Variants in PTPRD observed in about 807,000 individuals in gnomAD.
PTPRD encodes the protein receptor-type tyrosine-protein phosphatase delta.
In PTPRD, 34 loss-of-function variants were observed where a neutral mutation model predicts 214.5. That is an observed-to-expected ratio of 0.16 (90% CI 0.12 to 0.21). The LOEUF (loss-of-function observed/expected upper bound fraction) is 0.21. Ranked by LOEUF, PTPRD falls within the 10% of genes least tolerant of loss-of-function variation. The probability of loss-of-function intolerance (pLI) is 1.00; values close to 1 mark genes in which losing one functional copy is unlikely to be tolerated. For missense variants in PTPRD, 2,545 were observed against 2,398.7 expected, an observed-to-expected ratio of 1.06 and a Z score of -1.27; for synonymous variants, 1,128 against 845.7, an observed-to-expected ratio of 1.33 and a Z score of -5.79.
intron 3 of PTPRD, among the ~76,000 whole-genome samples, chr9:10,141,151 T>C (rs1044019749): frequency 1.3e-5 from 2 of 152,078 alleles, no homozygotes; most frequent in Non-Finnish European, 2.9e-5. Context: ...TCATACTGAA[T>C]GGGCAAAAAA....
intron 14 of PTPRD, among the ~76,000 whole-genome samples, chr9:8,614,090 A>T (rs1312178190): frequency 6.6e-6 from 1 of 152,020 alleles, no homozygotes; most frequent in Non-Finnish European, 1.5e-5. Context: ...TGTCATTCAG[A>T]TGTGAATATG....
rs724159859 is a variant in PTPRD at position 8,485,810 on chromosome 9, C to T, written c.3007G>A (p.Gly1003Arg). The T allele has an allele frequency of 6.8e-6, 11 of 1,613,890 alleles. No individual in the cohort carries two copies. The highest frequency in any genetic ancestry group is 9.3e-6 in the Non-Finnish European group (11 of 1,179,980). ...AACTGGACACTGGGACTATATGGCC[C>T]GGGCCCTTTGCTCGTATGAGCACGT... ...KVRAHTSKGPGPYSPSVQFRT... is the reference protein window; with the variant it reads ...KVRAHTSKGPRPYSPSVQFRT... Residue 1003 changes from glycine (G) to arginine (R), a missense_variant, in exon 28 of 46, where the codon GGG becomes AGG. Physicochemically the swap from Gly to Arg is moderately radical, Grantham distance 125. Transcript: ENST00000381196.
chr9:8,431,278 C>T (rs889732938), intron 35 of PTPRD, among the ~76,000 whole-genome samples: 1 of 151,710 alleles, frequency 6.6e-6, no homozygotes, highest in South Asian at 2.1e-4. Flanking sequence ...GTTTTCTGTG[C>T]GTGGGTGAGA....
At chr9:9,909,370 G>A (rs1371209435) in intron 5 of PTPRD, among the ~76,000 whole-genome samples, 1 of 146,400 alleles carries the variant, frequency 6.8e-6, no homozygotes, top group African/African-American at 2.5e-5. Flanking sequence ...CAAGATTGCT[G>A]GGGGCAGGGG....
intron 11 of PTPRD, among the ~76,000 whole-genome samples, chr9:8,887,241 G>A (rs764483088): frequency 7.9e-5 from 12 of 152,000 alleles, no homozygotes; most frequent in Non-Finnish European, 1.5e-4. Context: ...AGTATCTCAC[G>A]GCAGAGACCT....
At chr9:8,580,771 C>T (rs531748874) in intron 14 of PTPRD, among the ~76,000 whole-genome samples, 103 of 152,226 alleles carry the variant, frequency 6.8e-4, no homozygotes, top group Middle Eastern at 6.8e-3. Context: ...TATGTACTCA[C>T]GCACACATAC....
Position 9,648,915 on chromosome 9 carries a change from T to C in PTPRD, c.-286-74134A>G, listed in dbSNP as rs1279462164. Among the ~76,000 whole-genome samples, 8 of 152,084 alleles carry C rather than the reference T, an allele frequency of 5.3e-5. No homozygotes were observed. In the East Asian group the frequency reaches 5.8e-4, roughly 11 times the overall value. Reference sequence around the variant, plus strand: ...AGATAATGATCAAGTAAGCAAAGTATAGATAACAACAGTGAAGGCCAGCAG... The same window carrying C: ...AGATAATGATCAAGTAAGCAAAGTACAGATAACAACAGTGAAGGCCAGCAG... On this transcript the variant is annotated intron_variant, in intron 7 of 45. Transcript: ENST00000381196.
intron 30 of PTPRD, among the ~76,000 whole-genome samples, chr9:8,483,464 T>G (rs1043555279): frequency 3.3e-5 from 5 of 152,194 alleles, no homozygotes; most frequent in Non-Finnish European, 7.3e-5. Flanking sequence ...ATAAAATGCT[T>G]TGTAGTAGCC....
intron 9 of PTPRD, among the ~76,000 whole-genome samples, chr9:9,380,532 G>C (rs1024704628): frequency 6.6e-6 from 1 of 152,008 alleles, no homozygotes; most frequent in African/African-American, 2.4e-5. Flanking sequence ...AGTTTGATTT[G>C]TGATATGAAA....
chr9:9,624,271 T>C (rs1041443198), intron 7 of PTPRD, among the ~76,000 whole-genome samples: 1 of 67,940 alleles, frequency 1.5e-5, no homozygotes, highest in African/African-American at 4.8e-5. Flanking sequence ...CAGTAGCTAG[T>C]TTTTTTTTTG....
At chr9:8,388,539 T>A (rs556088677) in intron 37 of PTPRD, among the ~76,000 whole-genome samples, 1 of 152,196 alleles carries the variant, frequency 6.6e-6, no homozygotes, top group East Asian at 1.9e-4. Context: ...TGCTTACCCA[T>A]TATTTTTTAG....
chr9:10,153,590 T>A (rs962970340), intron 3 of PTPRD, among the ~76,000 whole-genome samples: 11 of 151,964 alleles, frequency 7.2e-5, no homozygotes, highest in Non-Finnish European at 1.3e-4. Flanking sequence ...GTTTGTTATA[T>A]AGGTGAACTA....
intron 8 of PTPRD, among the ~76,000 whole-genome samples, chr9:9,552,340 CA>C (rs1028377209): frequency 2.0e-5 from 3 of 147,054 alleles, no homozygotes; most frequent in Non-Finnish European, 4.6e-5. Context: ...ATTTCGCAGT[CA>C]ATTGCCATTT....
chr9:8,975,787 C>CAT (rs34239991), intron 11 of PTPRD, among the ~76,000 whole-genome samples: 41,371 of 149,174 alleles, frequency 0.28, 6,323 homozygotes, highest in Non-Finnish European at 0.35. Flanking sequence ...ATTGAGAAAC[C>CAT]ATATATATAT....
At chr9:9,458,688 C>T (rs1328139353) in intron 8 of PTPRD, among the ~76,000 whole-genome samples, 1 of 152,008 alleles carries the variant, frequency 6.6e-6, no homozygotes, top group Non-Finnish European at 1.5e-5. Flanking sequence ...ACTCCTTAAT[C>T]CCAGCACTTT....
At chr9:9,081,022 C>A (rs1023188251) in intron 10 of PTPRD, among the ~76,000 whole-genome samples, 2 of 151,876 alleles carry the variant, frequency 1.3e-5, no homozygotes, top group Non-Finnish European at 2.9e-5. Context: ...TTAGTTATTT[C>A]TTTTCTTCTG....
chr9:10,192,001 T>A (rs1279637705), intron 3 of PTPRD, among the ~76,000 whole-genome samples: 3 of 152,138 alleles, frequency 2.0e-5, no homozygotes, highest in Non-Finnish European at 4.4e-5. Context: ...TTATTAGAAA[T>A]TGTTTTGTTG....
chr9:8,426,020 A>T (rs2094641648), intron 35 of PTPRD, among the ~76,000 whole-genome samples: 1 of 152,146 alleles, frequency 6.6e-6, no homozygotes, highest in African/African-American at 2.4e-5. Context: ...GCTTTCATAG[A>T]GCTCCTTTTT....
At chr9:9,942,704 A>C (rs939750773) in intron 4 of PTPRD, among the ~76,000 whole-genome samples, 1 of 152,150 alleles carries the variant, frequency 6.6e-6, no homozygotes, top group African/African-American at 2.4e-5. Flanking sequence ...ATTAGCATTT[A>C]AAAAATTATA....
Sources: gnomAD v4.1 joint callset for allele counts (sites outside exome capture counted in the v4.1 genomes callset) on GRCh38, gnomAD v4.1.1 for gene constraint, MANE v1.5 for transcripts, NCBI Gene and HGNC (gene_info 2026-07-23, HGNC 2026-07-21) for gene names.